The following TUSC1 variants were observed in gnomAD, a reference collection of about 807,000 sequenced individuals.
The protein encoded by TUSC1 is tumor suppressor candidate gene 1 protein.
Under a neutral mutation model 5.2 loss-of-function variants are expected in TUSC1, and 8 were observed. The ratio of observed to expected loss-of-function variants is 1.54; its 90% CI spans 0.90 to 2.77. The LOEUF (loss-of-function observed/expected upper bound fraction) is 2.77. Ranked by LOEUF, TUSC1 falls within the 30% of genes most tolerant of loss-of-function variation. The probability of loss-of-function intolerance (pLI) is 0.00; values close to 1 mark genes in which losing one functional copy is unlikely to be tolerated. For synonymous variants in TUSC1, 192 were observed against 144.2 expected, an observed-to-expected ratio of 1.33 and a Z score of -2.37; for missense variants, 442 against 324.2, an observed-to-expected ratio of 1.36 and a Z score of -2.79.
Position 25,678,207 on chromosome 9 carries a change from C to T in TUSC1, c.106G>A (p.Gly36Ser). ...CCGCCGCCGCCGCCGCTGGGGCTGC[C>T]CCCACCACGAGCCCGGCCGGAGCGG... is the stretch of plus-strand genomic sequence containing the variant. ...PGRSGRARGG[G>S]SPSGGGGGVG... The change falls in exon 1 of 1, where the codon GGC becomes AGC. Residue 36 changes from glycine (G) to serine (S), a missense_variant. Physicochemically the swap from Gly to Ser is moderately conservative, Grantham distance 56 (BLOSUM62 0). Transcript: ENST00000358022. 1.5e-6 allele frequency: 2 copies of T among 1,374,530 alleles called. No homozygotes were observed. Among genetic ancestry groups the T allele is most frequent in the Non-Finnish European group, 1.9e-6 (2 of 1,066,388 alleles). 85.1% of individuals were successfully genotyped at this position (1,374,530 alleles called of 1,614,324 possible).
rs1819073320 is a variant in TUSC1, at chr9:25,677,781, C to A, written c.532G>T (p.Gly178Ter). 5.7e-6 allele frequency: 9 copies of A among 1,585,848 alleles called. No homozygotes were observed. The highest frequency in any genetic ancestry group is 7.7e-6 in the Non-Finnish European group (9 of 1,166,950). The stretch of plus-strand genomic sequence containing the variant: ...TCCTTGTCCCCGCTCGGACGTGGTC[C>A]CCGCTGCTCGAGGTGCAGCTGCAGC... ...ALLQLHLEQR[G>*]PRPSGDKEEQ... The change falls in exon 1 of 1, where the codon GGA (glycine) becomes TGA (stop). Residue 178 changes from glycine to a stop codon, truncating the protein, a stop_gained. Transcript: ENST00000358022. LOFTEE classifies it low-confidence loss of function (END_TRUNC).
Position 25,678,204 on chromosome 9 carries a change from T to G in TUSC1, c.109A>C (p.Ser37Arg). The part of the protein sequence containing the change: ...GRSGRARGGG[S>R]PSGGGGGVGW... Reference sequence around the variant, plus strand: ...ACGCCGCCGCCGCCGCCGCTGGGGCTGCCCCCACCACGAGCCCGGCCGGAG... The same window carrying G: ...ACGCCGCCGCCGCCGCCGCTGGGGCGGCCCCCACCACGAGCCCGGCCGGAG... The change falls in exon 1 of 1, where the codon AGC (serine) becomes CGC (arginine). Residue 37 changes from serine (S) to arginine (R), a missense_variant. Physicochemically the swap from Ser to Arg is moderately radical, Grantham distance 110. Coordinates refer to ENST00000358022, the MANE Select transcript of TUSC1 (RefSeq NM_001004125.3). 7.3e-7 allele frequency: 1 copy of G among 1,374,312 alleles called. No individual in the cohort carries two copies. Among genetic ancestry groups the G allele is most frequent in the East Asian group, 3.2e-5 (1 of 31,564 alleles). 85.1% of individuals were successfully genotyped at this position (1,374,312 alleles called of 1,614,324 possible).
chr9:25,678,211 A>C lies in TUSC1; in HGVS notation c.102T>G (p.Gly34=). The C allele has an allele frequency of 7.3e-7, 1 of 1,365,668 alleles. No homozygotes were observed. The highest frequency in any genetic ancestry group is 1.7e-5 in the South Asian group (1 of 58,810). The allele number at this position is 1,365,668 out of a possible 1,614,324, so 84.6% of individuals were successfully genotyped here. Residue 34 remains glycine (G), a synonymous_variant, in exon 1 of 1, where the codon GGT becomes GGG. Transcript: ENST00000358022. ...CGCCGCCGCCGCTGGGGCTGCCCCC[A>C]CCACGAGCCCGGCCGGAGCGGCCTG... ...RGPGRSGRAR[G]GGSPSGGGGG... is the part of the protein sequence containing the mutation.
At position 25,677,747 on chromosome 9, in the gene TUSC1, G is replaced by C. The variant is rs1819072201; in HGVS notation, c.566C>G (p.Pro189Arg). 6.3e-7 allele frequency: 1 copy of C among 1,578,388 alleles called. No homozygotes were observed. Among genetic ancestry groups the C allele is most frequent in the Non-Finnish European group, 8.6e-7 (1 of 1,162,716 alleles). ...GAGGCCGGAGTCGGGTTCCTGTAGA[G>C]GCTGCTCCTCCTTGTCCCCGCTCGG... ...PRPSGDKEEQ[P>R]LQEPDSGLRS... The change falls in exon 1 of 1, where the codon CCT becomes CGT. Residue 189 changes from proline to arginine, a missense_variant. Physicochemically the swap from Pro to Arg is moderately radical, Grantham distance 103. Coordinates refer to ENST00000358022, the MANE Select transcript of TUSC1 (RefSeq NM_001004125.3).
In TUSC1 at chr9:25,677,986, A is replaced by G; in HGVS notation, c.327T>C (p.Arg109=). The part of the protein sequence containing the change: ...RLKRENRSLF[R]QALRLPGEGG... ...CTTCGCCGGGGAGCCGCAAAGCCTGACGGAAGAGGCTGCGGTTCTCGCGCT... is the reference window on the plus strand; with the variant it reads ...CTTCGCCGGGGAGCCGCAAAGCCTGGCGGAAGAGGCTGCGGTTCTCGCGCT... The change falls in exon 1 of 1, where the codon CGT becomes CGC. Residue 109 remains arginine, a synonymous_variant. Coordinates refer to ENST00000358022, the MANE Select transcript of TUSC1 (RefSeq NM_001004125.3). The G allele has an allele frequency of 6.4e-7, 1 of 1,553,876 alleles. No homozygotes were observed. The highest frequency in any genetic ancestry group is 8.7e-7 in the Non-Finnish European group (1 of 1,155,460).
Position 25,677,678 on chromosome 9 carries a change from C to A in TUSC1, c.*5G>T. 1 of 1,507,252 alleles carries A rather than the reference C, an allele frequency of 6.6e-7. No individual in the cohort carries two copies. The highest frequency in any genetic ancestry group is 1.2e-5 in the South Asian group (1 of 80,004). The allele number at this position is 1,507,252 out of a possible 1,614,324, so 93.4% of individuals were successfully genotyped here. On this transcript the variant is annotated 3_prime_UTR_variant, in exon 1 of 1. Transcript: ENST00000358022. ...GGCTCCGCCTCTCACCGGCTGCGGC[C>A]TCGGCTACAGCCAGGGCCCAGAGGG...
Position 25,677,690 on chromosome 9 carries a change from C to T in TUSC1, c.623G>A (p.Trp208Ter), listed in dbSNP as rs1819069285. 2.0e-6 allele frequency: 3 copies of T among 1,533,966 alleles called. No individual in the cohort carries two copies. Among genetic ancestry groups the T allele is most frequent in the South Asian group, 1.2e-5 (1 of 83,012 alleles). Residue 208 changes from tryptophan to a stop codon, truncating the protein, a stop_gained, in exon 1 of 1, where the codon TGG becomes TAG. Coordinates refer to ENST00000358022, the MANE Select transcript of TUSC1 (RefSeq NM_001004125.3). LOFTEE classifies it high-confidence loss of function. The part of the protein sequence containing the change: ...RSRDSEPSGP[W>*]L ...CACCGGCTGCGGCCTCGGCTACAGC[C>T]AGGGCCCAGAGGGCTCCGAGTCCCG... is the stretch of plus-strand genomic sequence containing the variant.
At position 25,677,334 on chromosome 9, in the gene TUSC1, C is replaced by T. The variant is rs534275868; in HGVS notation, c.*349G>A. ...AAAATACAACAGGTTCGCACAACAT[C>T]CAGAAAAGTTCAGGGAATATGAAGT... On this transcript the variant is annotated 3_prime_UTR_variant, in exon 1 of 1. Transcript: ENST00000358022. The T allele has an allele frequency of 1.4e-4, 42 of 298,008 alleles. 1 individual carries two copies. The South Asian group carries it at 4.6e-3, about 33-fold the overall frequency. 18.5% of individuals were successfully genotyped at this position (298,008 alleles called of 1,614,324 possible).
In TUSC1 at chr9:25,677,784, G is replaced by A. The variant is rs760924977; in HGVS notation, c.529C>T (p.Arg177Trp). 8 of 1,586,258 alleles carry A rather than the reference G, an allele frequency of 5.0e-6. No individual in the cohort carries two copies. The highest frequency in any genetic ancestry group is 6.0e-6 in the Non-Finnish European group (7 of 1,167,350). The change falls in exon 1 of 1, where the codon CGG becomes TGG. Residue 177 changes from arginine to tryptophan, a missense_variant. Coordinates refer to ENST00000358022, the MANE Select transcript of TUSC1 (RefSeq NM_001004125.3). Reference sequence around the variant, plus strand: ...TTGTCCCCGCTCGGACGTGGTCCCCGCTGCTCGAGGTGCAGCTGCAGCAGG... The same window carrying A: ...TTGTCCCCGCTCGGACGTGGTCCCCACTGCTCGAGGTGCAGCTGCAGCAGG... The part of the protein sequence containing the change: ...RALLQLHLEQ[R>W]GPRPSGDKEE...
Position 25,677,874 on chromosome 9 carries a change from C to T in TUSC1, c.439G>A (p.Glu147Lys), listed in dbSNP as rs769858918. The T allele has an allele frequency of 1.1e-5, 18 of 1,592,488 alleles. No homozygotes were observed. Among genetic ancestry groups the T allele is most frequent in the East Asian group, 2.3e-5 (1 of 44,096 alleles). ...CTCAGGGCCCTGGGGCTGCCCGGCT[C>T]GTCCTCTCGGCCGCTGTCTCTAGCC... ...RRARDSGRED[E>K]PGSPRALRAR... The change falls in exon 1 of 1, where the codon GAG becomes AAG. Residue 147 changes from glutamate to lysine, a missense_variant. By Grantham distance (56) the Glu-to-Lys change is moderately conservative (BLOSUM62 1). Transcript: ENST00000358022.
In TUSC1 at chr9:25,678,410, CGGA is replaced by C; in HGVS notation, c.-101_-99del. 8.7e-7 allele frequency: 1 copy of C among 1,154,024 alleles called. No homozygotes were observed. The highest frequency in any genetic ancestry group is 1.1e-6 in the Non-Finnish European group (1 of 906,132). The allele number at this position is 1,154,024 out of a possible 1,614,324, so 71.5% of individuals were successfully genotyped here. The stretch of plus-strand genomic sequence containing the variant: ...GCTGGCAGGGCGGCCGGGGTGACGA[CGGA>C]GGAGGAGAGGAGGTCGCGGGCGGCG... On this transcript the variant is annotated 5_prime_UTR_variant, in exon 1 of 1. Transcript: ENST00000358022.
rs914299978 is a variant in TUSC1, at chr9:25,678,383, G to T, written c.-71C>A. 3 of 1,300,764 alleles carry T rather than the reference G, an allele frequency of 2.3e-6. No individual in the cohort carries two copies. Among genetic ancestry groups the T allele is most frequent in the Admixed American group, 8.7e-5 (2 of 22,940 alleles). 80.6% of individuals were successfully genotyped at this position (1,300,764 alleles called of 1,614,324 possible). A position where few individuals can be genotyped will look rare whatever the true frequency, so the allele number is the denominator to read the frequency against. On this transcript the variant is annotated 5_prime_UTR_variant, in exon 1 of 1. Coordinates refer to ENST00000358022, the MANE Select transcript of TUSC1 (RefSeq NM_001004125.3). ...GCGCGGCCAGGCGCGGGCAAGTTCG[G>T]GGCTGGCAGGGCGGCCGGGGTGACG... is the stretch of plus-strand genomic sequence containing the variant.
chr9:25,677,775 G>C lies in TUSC1; in HGVS notation c.538C>G (p.Arg180Gly), dbSNP rs779579055. 1.3e-6 allele frequency: 2 copies of C among 1,584,306 alleles called. No individual in the cohort carries two copies. Among genetic ancestry groups the C allele is most frequent in the South Asian group, 2.3e-5 (2 of 87,280 alleles). Residue 180 changes from arginine to glycine, a missense_variant, in exon 1 of 1, where the codon CGT becomes GGT. Arg to Gly is a moderately radical substitution (Grantham distance 125). Coordinates refer to ENST00000358022, the MANE Select transcript of TUSC1 (RefSeq NM_001004125.3). ...TGCTCCTCCTTGTCCCCGCTCGGAC[G>C]TGGTCCCCGCTGCTCGAGGTGCAGC... ...LQLHLEQRGP[R>G]PSGDKEEQPL...
chr9:25,678,366 A>T lies in TUSC1; in HGVS notation c.-54T>A. On this transcript the variant is annotated 5_prime_UTR_variant, in exon 1 of 1. Coordinates refer to ENST00000358022, the MANE Select transcript of TUSC1 (RefSeq NM_001004125.3). ...CCGTGGGCTGAGGGGCCGCGCGGCC[A>T]GGCGCGGGCAAGTTCGGGGCTGGCA... 1 of 1,338,750 alleles carries T rather than the reference A, an allele frequency of 7.5e-7. No individual in the cohort carries two copies. Among genetic ancestry groups the T allele is most frequent in the Non-Finnish European group, 9.6e-7 (1 of 1,040,346 alleles). The allele number at this position is 1,338,750 out of a possible 1,614,324, so 82.9% of individuals were successfully genotyped here. A position where few individuals can be genotyped will look rare whatever the true frequency, so the allele number is the denominator to read the frequency against.
chr9:25,677,946 G>T lies in TUSC1; in HGVS notation c.367C>A (p.Pro123Thr). The T allele has an allele frequency of 2.6e-6, 4 of 1,552,602 alleles. No individual in the cohort carries two copies. Among genetic ancestry groups the T allele is most frequent in the Non-Finnish European group, 3.5e-6 (4 of 1,153,606 alleles). ...RLPGEGGNGT[P>T]AEARRVPEEA... ...TCAGGGACCCGGCGTGCCTCCGCGG[G>T]CGTCCCGTTGCCGCCTTCGCCGGGG... The change falls in exon 1 of 1, where the codon CCC becomes ACC. Residue 123 changes from proline (P) to threonine (T), a missense_variant. Coordinates refer to ENST00000358022, the MANE Select transcript of TUSC1 (RefSeq NM_001004125.3).
Position 25,678,357 on chromosome 9 carries a change from C to T in TUSC1, c.-45G>A, listed in dbSNP as rs562944441. 5 of 1,352,774 alleles carry T rather than the reference C, an allele frequency of 3.7e-6. No individual in the cohort carries two copies. Among genetic ancestry groups the T allele is most frequent in the Non-Finnish European group, 4.8e-6 (5 of 1,049,558 alleles). The allele number at this position is 1,352,774 out of a possible 1,614,324, so 83.8% of individuals were successfully genotyped here. A position where few individuals can be genotyped will look rare whatever the true frequency, so the allele number is the denominator to read the frequency against. ...CCGCCAGCCCCGTGGGCTGAGGGGC[C>T]GCGCGGCCAGGCGCGGGCAAGTTCG... On this transcript the variant is annotated 5_prime_UTR_variant, in exon 1 of 1. Coordinates refer to ENST00000358022, the MANE Select transcript of TUSC1 (RefSeq NM_001004125.3).
In TUSC1 at chr9:25,678,218, G is replaced by T; in HGVS notation, c.95C>A (p.Ala32Asp). 7.3e-7 allele frequency: 1 copy of T among 1,364,182 alleles called. No individual in the cohort carries two copies. The highest frequency in any genetic ancestry group is 1.5e-5 in the African/African-American group (1 of 65,514). 84.5% of individuals were successfully genotyped at this position (1,364,182 alleles called of 1,614,324 possible). Residue 32 changes from alanine to aspartate, a missense_variant, in exon 1 of 1, where the codon GCT becomes GAT. Coordinates refer to ENST00000358022, the MANE Select transcript of TUSC1 (RefSeq NM_001004125.3). ...GCCGCTGGGGCTGCCCCCACCACGAGCCCGGCCGGAGCGGCCTGGCCCTCG... is the reference window on the plus strand; with the variant it reads ...GCCGCTGGGGCTGCCCCCACCACGATCCCGGCCGGAGCGGCCTGGCCCTCG... Reference protein sequence around the residue: ...DGRGPGRSGRARGGGSPSGGG... With the variant: ...DGRGPGRSGRDRGGGSPSGGG...
Position 25,678,013 on chromosome 9 carries a change from C to T in TUSC1, c.300G>A (p.Leu100=), listed in dbSNP as rs1819084686. 6.4e-7 allele frequency: 1 copy of T among 1,560,314 alleles called. No individual in the cohort carries two copies. The highest frequency in any genetic ancestry group is 8.6e-7 in the Non-Finnish European group (1 of 1,159,380). The change falls in exon 1 of 1, where the codon CTG becomes CTA. Residue 100 remains leucine (L), a synonymous_variant. Transcript: ENST00000358022. The part of the protein sequence containing the change: ...NARLRLENRR[L]KRENRSLFRQ... Reference sequence around the variant, plus strand: ...GGAAGAGGCTGCGGTTCTCGCGCTTCAGCCGCCGGTTCTCGAGCCGCAGCC... The same window carrying T: ...GGAAGAGGCTGCGGTTCTCGCGCTTTAGCCGCCGGTTCTCGAGCCGCAGCC...
At position 25,677,616 on chromosome 9, in the gene TUSC1, G is replaced by T. The variant is rs927790391; in HGVS notation, c.*67C>A. On this transcript the variant is annotated 3_prime_UTR_variant, in exon 1 of 1. Coordinates refer to ENST00000358022, the MANE Select transcript of TUSC1 (RefSeq NM_001004125.3). ...GCGGGCCAGGGCGTGCGCGAGGTCG[G>T]GGGTAGCTGGGAACGGAGGAGGAGG... 2.1e-6 allele frequency: 3 copies of T among 1,442,762 alleles called. No homozygotes were observed. The highest frequency in any genetic ancestry group is 2.9e-5 in the African/African-American group (2 of 69,680). The allele number at this position is 1,442,762 out of a possible 1,614,324, so 89.4% of individuals were successfully genotyped here. A position where few individuals can be genotyped will look rare whatever the true frequency, so the allele number is the denominator to read the frequency against.
Sources: allele counts gnomAD v4.1 joint callset, GRCh38; gene constraint gnomAD v4.1.1; transcripts MANE v1.5; gene names NCBI Gene and HGNC (gene_info 2026-07-23, HGNC 2026-07-21).